CNTD1: variants seen among roughly 807,000 people sequenced by gnomAD.
CNTD1 encodes cyclin N-terminal domain-containing protein 1.
A neutral mutation model predicts 36.3 loss-of-function variants in CNTD1; 17 were observed. That is an observed-to-expected ratio of 0.47 (90% CI 0.32 to 0.70). The LOEUF is 0.70. CNTD1 is among the 30% of genes least tolerant of loss of function. CNTD1 has a pLI of 0.03. For missense variants in CNTD1, 338 were observed against 386.1 expected (o/e 0.88, Z 1.04); for synonymous variants, 128 against 153.3 (o/e 0.83, Z 1.22).
chr17:42,806,837 G>T lies in CNTD1; in HGVS notation c.725+19G>T, dbSNP rs992839917. 3 of 1,612,782 alleles carry T rather than the reference G, an allele frequency of 1.9e-6. No homozygotes were observed. In the African/African-American group the frequency reaches 4.0e-5, roughly 22 times the overall value. ...TGCAAGGGTAAGACAACTCCTATAG[G>T]GTAGGCTCCTTCCAGGAACAGGGAA... On this transcript the variant is annotated intron_variant, in intron 5 of 6. Transcript: ENST00000588408.
rs1371588182 is a variant in CNTD1 at position 42,804,248 on chromosome 17, A to G, written c.269A>G (p.Asn90Ser). Residue 90 changes from asparagine to serine, a missense_variant, in exon 3 of 7, where the codon AAC (asparagine) becomes AGC (serine). By Grantham distance (46) the Asn-to-Ser change is conservative. Transcript: ENST00000588408. Reference protein sequence around the residue: ...LERFMVKQAENICRQATIQPR... With the variant: ...LERFMVKQAESICRQATIQPR... ...AGGTTTATGGTAAAACAGGCAGAGA[A>G]CATCTGCAGGCAAGCCACAATCCAG... 8 of 1,613,936 alleles carry G rather than the reference A, an allele frequency of 5.0e-6. No individual in the cohort carries two copies. The highest frequency in any genetic ancestry group is 5.1e-6 in the Non-Finnish European group (6 of 1,179,964).
intron 1 of CNTD1, among the ~76,000 whole-genome samples, chr17:42,801,531 AT>A (rs1442567687): frequency 4.3e-4 from 35 of 81,526 alleles, no homozygotes; most frequent in African/African-American, 1.3e-3. Context: ...ATATATATAT[AT>A]ATATATATAT....
intron 1 of CNTD1, among the ~76,000 whole-genome samples, chr17:42,801,107 C>A (rs1314512729): frequency 1.1e-4 from 17 of 150,568 alleles, no homozygotes; most frequent in Non-Finnish European, 4.4e-5. Flanking sequence ...ATGGCTTGAA[C>A]CTGGGAGGCG....
chr17:42,803,617 CAG>C lies in CNTD1; in HGVS notation c.170_171del, dbSNP rs745913596. On this transcript the variant is annotated splice_acceptor_variant, in intron 1 of 6. Coordinates refer to ENST00000588408, the MANE Select transcript of CNTD1 (RefSeq NM_173478.3). LOFTEE classifies it high-confidence loss of function. ...ATTAGGCTCTTTTTTCCTGTTTTGG[CAG>C]AGTTTGTTTTTCTCCTGTCTGAACA... is the stretch of plus-strand genomic sequence containing the variant. 3.1e-6 allele frequency: 5 copies of C among 1,611,976 alleles called. No individual in the cohort carries two copies. The highest frequency in any genetic ancestry group is 1.7e-5 in the Admixed American group (1 of 59,628).
chr17:42,810,667 C>A lies in CNTD1; in HGVS notation c.*1132C>A. On this transcript the variant is annotated 3_prime_UTR_variant, in exon 7 of 7. Coordinates refer to ENST00000588408, the MANE Select transcript of CNTD1 (RefSeq NM_173478.3). ...TCTTTTTTGGTATTGTAAACATGTA[C>A]TGTTTAATATTACCCGAATTTAATT... The A allele has an allele frequency of 1.5e-6, 2 of 1,327,794 alleles. No homozygotes were observed. Among genetic ancestry groups the A allele is most frequent in the Admixed American group, 2.4e-5 (1 of 40,880 alleles). 82.3% of individuals were successfully genotyped at this position (1,327,794 alleles called of 1,614,324 possible).
chr17:42,811,454 T>A lies in CNTD1; in HGVS notation c.*1919T>A, dbSNP rs2055003370. On this transcript the variant is annotated 3_prime_UTR_variant, in exon 7 of 7. Transcript: ENST00000588408. ...ACCCCCTAAACCATCTAAGGCAACA[T>A]TCTTCTACTCCAAGGACTAGGTGGT... The A allele has an allele frequency of 1.9e-6, 1 of 529,488 alleles. No individual in the cohort carries two copies. 32.8% of individuals were successfully genotyped at this position (529,488 alleles called of 1,614,324 possible). A position where few individuals can be genotyped will look rare whatever the true frequency, so the allele number is the denominator to read the frequency against.
intron 1 of CNTD1, among the ~76,000 whole-genome samples, chr17:42,799,464 A>C (rs1404118370): frequency 6.6e-6 from 1 of 152,054 alleles, no homozygotes; most frequent in African/African-American, 2.4e-5. Flanking sequence ...GAAAGATGAA[A>C]TAGAGGGCCA....
intron 1 of CNTD1, 32 bp downstream of exon 1, chr17:42,799,268 TG>T: frequency 6.3e-7 from 1 of 1,591,910 alleles, no homozygotes; most frequent in Non-Finnish European, 8.5e-7. Flanking sequence ...GCTGGGTTCT[TG>T]GGAGACTGGG....
In CNTD1 at chr17:42,799,171, A is replaced by G; in HGVS notation, c.104A>G (p.Gln35Arg). 2 of 1,614,116 alleles carry G rather than the reference A, an allele frequency of 1.2e-6. No individual in the cohort carries two copies. Among genetic ancestry groups the G allele is most frequent in the Non-Finnish European group, 1.7e-6 (2 of 1,180,000 alleles). ...IEDALLHLAQ[Q>R]NEQAVREASG... Reference sequence around the variant, plus strand: ...GACGCCCTGCTTCACTTGGCCCAGCAGAATGAGCAAGCAGTGAGGGAGGCT... The same window carrying G: ...GACGCCCTGCTTCACTTGGCCCAGCGGAATGAGCAAGCAGTGAGGGAGGCT... The change falls in exon 1 of 7, where the codon CAG becomes CGG. Residue 35 changes from glutamine (Q) to arginine (R), a missense_variant. By Grantham distance (43) the Gln-to-Arg change is conservative (BLOSUM62 1). Coordinates refer to ENST00000588408, the MANE Select transcript of CNTD1 (RefSeq NM_173478.3).
At position 42,803,709 on chromosome 17, in the gene CNTD1, A is replaced by C. The variant is rs1275437385; in HGVS notation, c.245+14A>C. 1 of 1,607,454 alleles carries C rather than the reference A, an allele frequency of 6.2e-7. No individual in the cohort carries two copies. Among genetic ancestry groups the C allele is most frequent in the East Asian group, 2.2e-5 (1 of 44,846 alleles). ...AATCCTAGAAAGGTAAAGCCCTGGC[A>C]TAATGCCTTTTGAACGGCACCTCTC... On this transcript the variant is annotated intron_variant, in intron 2 of 6. Transcript: ENST00000588408.
chr17:42,811,053 A>T lies in CNTD1; in HGVS notation c.*1518A>T. On this transcript the variant is annotated 3_prime_UTR_variant, in exon 7 of 7. Coordinates refer to ENST00000588408, the MANE Select transcript of CNTD1 (RefSeq NM_173478.3). ...ATTAAAGAACACTTGGTGAGGAATG[A>T]TAGTGTATTTTGGATTTGCTTGAAA... 1 of 1,058,588 alleles carries T rather than the reference A, an allele frequency of 9.4e-7. No individual in the cohort carries two copies. The highest frequency in any genetic ancestry group is 3.0e-4 in the Middle Eastern group (1 of 3,312). The allele number at this position is 1,058,588 out of a possible 1,614,324, so 65.6% of individuals were successfully genotyped here.
Position 42,804,299 on chromosome 17 carries a change from A to G in CNTD1, c.320A>G (p.Gln107Arg), listed in dbSNP as rs1312603228. ...CCAAGAGATAATAAGAGAGAGTCTC[A>G]GAATTGGAGGGCTCTGAAACAGCAG... Reference protein sequence around the residue: ...IQPRDNKRESQNWRALKQQLV... With the variant: ...IQPRDNKRESRNWRALKQQLV... The change falls in exon 3 of 7, where the codon CAG becomes CGG. Residue 107 changes from glutamine to arginine, a missense_variant. Gln to Arg is a conservative substitution (Grantham distance 43). Coordinates refer to ENST00000588408, the MANE Select transcript of CNTD1 (RefSeq NM_173478.3). The G allele has an allele frequency of 4.3e-6, 7 of 1,614,006 alleles. No individual in the cohort carries two copies. Among genetic ancestry groups the G allele is most frequent in the Non-Finnish European group, 5.1e-6 (6 of 1,179,984 alleles).
chr17:42,806,268 G>A (rs2054877850), intron 4 of CNTD1, among the ~76,000 whole-genome samples: 1 of 152,020 alleles, frequency 6.6e-6, no homozygotes, highest in African/African-American at 2.4e-5. Flanking sequence ...GGAACAGTGG[G>A]CAGAACCTGC....
intron 1 of CNTD1, among the ~76,000 whole-genome samples, chr17:42,800,410 G>A (rs528385849): frequency 1.3e-4 from 20 of 152,288 alleles, no homozygotes; most frequent in African/African-American, 4.8e-4. Context: ...GGTGCTTAGG[G>A]TGCATGTGGG....
At position 42,810,741 on chromosome 17, in the gene CNTD1, C is replaced by A; in HGVS notation, c.*1206C>A. On this transcript the variant is annotated 3_prime_UTR_variant, in exon 7 of 7. Transcript: ENST00000588408. Reference sequence around the variant, plus strand: ...AAAATTAAAAGCCTTTAAGGCAAACCTCCCCCTAAGGAAAAAAGTCATTTG... The same window carrying A: ...AAAATTAAAAGCCTTTAAGGCAAACATCCCCCTAAGGAAAAAAGTCATTTG... The A allele has an allele frequency of 6.3e-7, 1 of 1,581,676 alleles. No individual in the cohort carries two copies. Among genetic ancestry groups the A allele is most frequent in the African/African-American group, 1.4e-5 (1 of 73,658 alleles).
chr17:42,803,762 A>G (rs1001332053), intron 2 of CNTD1, 67 bp downstream of exon 2: 3 of 1,209,508 alleles, frequency 2.5e-6, no homozygotes, highest in Non-Finnish European at 3.6e-6. Context: ...TACATCTTTA[A>G]GAAAGTATGA....
In CNTD1 at chr17:42,811,570, A is replaced by G; in HGVS notation, c.*2035A>G. 1 of 1,519,780 alleles carries G rather than the reference A, an allele frequency of 6.6e-7. No individual in the cohort carries two copies. Among genetic ancestry groups the G allele is most frequent in the East Asian group, 2.3e-5 (1 of 43,646 alleles). The allele number at this position is 1,519,780 out of a possible 1,614,324, so 94.1% of individuals were successfully genotyped here. On this transcript the variant is annotated 3_prime_UTR_variant, in exon 7 of 7. Transcript: ENST00000588408. ...ATTTTTTTGCTTTCCCACCATTTAT[A>G]CTGTTTTGCCTCCATTATTACTGCT...
At position 42,806,836 on chromosome 17, in the gene CNTD1, G is replaced by A. The variant is rs750168820; in HGVS notation, c.725+18G>A. 1.9e-6 allele frequency: 3 copies of A among 1,613,088 alleles called. No individual in the cohort carries two copies. Among genetic ancestry groups the A allele is most frequent in the Non-Finnish European group, 2.5e-6 (3 of 1,179,406 alleles). ...CTGCAAGGGTAAGACAACTCCTATA[G>A]GGTAGGCTCCTTCCAGGAACAGGGA... On this transcript the variant is annotated intron_variant, in intron 5 of 6. Transcript: ENST00000588408.
chr17:42,801,056 G>C (rs2054771770), intron 1 of CNTD1, among the ~76,000 whole-genome samples: 1 of 151,890 alleles, frequency 6.6e-6, no homozygotes, highest in Non-Finnish European at 1.5e-5. Flanking sequence ...ATGGTGGCAG[G>C]CACCTGTAGT....
Sources: gnomAD v4.1 joint callset for allele counts (sites outside exome capture counted in the v4.1 genomes callset) on GRCh38, gnomAD v4.1.1 for gene constraint, MANE v1.5 for transcripts, NCBI Gene and HGNC (gene_info 2026-07-23, HGNC 2026-07-21) for gene names.